The following AKR1C3 variants were observed in gnomAD, a reference collection of about 807,000 sequenced individuals.
The protein encoded by AKR1C3 is aldo-keto reductase family 1 member C3.
AKR1C3 carries 48 observed loss-of-function variants against 43.6 expected under a neutral mutation model. The ratio of observed to expected loss-of-function variants is 1.10; its 90% confidence interval spans 0.87 to 1.40. AKR1C3 has a LOEUF of 1.40. Ranked by LOEUF, AKR1C3 falls within the 40% of genes most tolerant of loss-of-function variation. The pLI, the probability that AKR1C3 is intolerant of heterozygous loss-of-function variation, is 0.00. For synonymous variants in AKR1C3, 162 were observed against 139.6 expected, an observed-to-expected ratio of 1.16 and a Z score of -1.13; for missense variants, 482 against 391.2, an observed-to-expected ratio of 1.23 and a Z score of -1.96.
At chr10:5,104,117 T>TTCATG (rs1288453445) in intron 7 of AKR1C3, among the ~76,000 whole-genome samples, 2 of 152,188 alleles carry the variant, frequency 1.3e-5, no homozygotes, top group Non-Finnish European at 2.9e-5. Context: ...GTTGCTACTT[T>TTCATG]TCATGTAGTT....
chr10:5,063,477 G>T (rs1321032548), intron 1 of AKR1C3, among the ~76,000 whole-genome samples: 2 of 152,036 alleles, frequency 1.3e-5, no homozygotes, highest in African/African-American at 4.8e-5. Flanking sequence ...AGGACAAAAA[G>T]CTATAGAGAG....
intron 4 of AKR1C3, 104 bp from the exon 5 acceptor site, chr10:5,099,223 C>G (rs1345131741): frequency 6.4e-7 from 1 of 1,553,552 alleles, no homozygotes; most frequent in Non-Finnish European, 8.7e-7. Context: ...TAGCTATTTT[C>G]ATTGTCATAC....
At chr10:5,075,597 A>G (rs1028197218) in intron 1 of AKR1C3, among the ~76,000 whole-genome samples, 8 of 152,274 alleles carry the variant, frequency 5.3e-5, no homozygotes, top group African/African-American at 1.9e-4. Flanking sequence ...AGGAATGGCC[A>G]GGCATTGTGG....
At chr10:5,092,382 C>T (rs1839112621), upstream of AKR1C3, among the ~76,000 whole-genome samples, 1 of 151,970 alleles carries the variant, frequency 6.6e-6, no homozygotes, top group African/African-American at 2.4e-5. Flanking sequence ...TCTCCACCCC[C>T]ATAGGCTCCT....
intron 1 of AKR1C3, among the ~76,000 whole-genome samples, chr10:5,061,085 C>A (rs1554780190): frequency 6.6e-6 from 1 of 152,196 alleles, no homozygotes. Flanking sequence ...CAGAAAGGGG[C>A]TCCCACAGTG....
chr10:5,053,931 G>T (rs1440063144), intron 1 of AKR1C3, among the ~76,000 whole-genome samples: 7 of 152,204 alleles, frequency 4.6e-5, no homozygotes, highest in Admixed American at 1.3e-4. Context: ...TGACAAGAAG[G>T]TTAAAAATAC....
At chr10:5,103,365 T>C (rs1839407479) in intron 7 of AKR1C3, among the ~76,000 whole-genome samples, 1 of 149,738 alleles carries the variant, frequency 6.7e-6, no homozygotes. Flanking sequence ...TAGTTGCTTG[T>C]CTTTTTTTTA....
upstream of AKR1C3, chr10:5,093,987 A>T (rs1839151276): frequency 6.6e-6 from 1 of 152,096 alleles, no homozygotes; most frequent in South Asian, 2.1e-4. Context: ...CATTCCTTTA[A>T]ATTATGTGTA....
At chr10:5,106,682 C>T (rs1232766720) in intron 8 of AKR1C3, among the ~76,000 whole-genome samples, 4 of 150,442 alleles carry the variant, frequency 2.7e-5, no homozygotes, top group Non-Finnish European at 1.5e-5. Context: ...ACCCAGGAGG[C>T]AAAGGATGCA....
At chr10:5,099,219 T>C (rs1454751361) in intron 4 of AKR1C3, 108 bp from the exon 5 acceptor site, 3 of 1,550,730 alleles carry the variant, frequency 1.9e-6, no homozygotes, top group Non-Finnish European at 2.6e-6. Context: ...CTGCTAGCTA[T>C]TTTCATTGTC....
At chr10:5,066,685 TAA>T (rs1392657662) in intron 1 of AKR1C3, among the ~76,000 whole-genome samples, 6 of 152,190 alleles carry the variant, frequency 3.9e-5, no homozygotes, top group African/African-American at 1.2e-4. Flanking sequence ...ATGAGCTAGA[TAA>T]AGAGTCTACT....
chr10:5,072,583 G>A (rs2131805689), intron 1 of AKR1C3, among the ~76,000 whole-genome samples: 1 of 152,246 alleles, frequency 6.6e-6, no homozygotes, highest in East Asian at 1.9e-4. Context: ...CAACTCTTTG[G>A]AAATGAAAAT....
rs550558138 is a variant in AKR1C3, at chr10:5,059,570, G to A, written c.84+10675G>A. Among the ~76,000 whole-genome samples, 825 of 152,254 alleles carry A rather than the reference G, an allele frequency of 5.4e-3. 9 individuals are homozygous for A. Among genetic ancestry groups the A allele is most frequent in the African/African-American group, 0.018 (756 of 41,532 alleles). ...CCAATGGTCCCAACTCCGAAGAGTCGGGGGTTGTTAGCCCTTTCCCAGAAA... is the reference window on the plus strand; with the variant it reads ...CCAATGGTCCCAACTCCGAAGAGTCAGGGGTTGTTAGCCCTTTCCCAGAAA... On this transcript the variant is annotated intron_variant, in intron 1 of 8. Transcript: ENST00000439082.
chr10:5,099,273 C>A, intron 4 of AKR1C3, 54 bp from the exon 5 acceptor site: 2 of 1,611,706 alleles, frequency 1.2e-6, no homozygotes, highest in Non-Finnish European at 1.7e-6. Context: ...CTTGCATTTA[C>A]CGTGATTTGC....
chr10:5,051,395 C>A (rs782411278), intron 1 of AKR1C3, among the ~76,000 whole-genome samples: 1 of 152,198 alleles, frequency 6.6e-6, no homozygotes, highest in Non-Finnish European at 1.5e-5. Context: ...CTATGCCCAG[C>A]TGACTTTGTG....
intron 1 of AKR1C3, among the ~76,000 whole-genome samples, chr10:5,065,524 C>A (rs1282258397): frequency 6.6e-6 from 1 of 151,872 alleles, no homozygotes; most frequent in African/African-American, 2.4e-5. Context: ...AAGAATTGGA[C>A]AAAATGCAGA....
intron 1 of AKR1C3, among the ~76,000 whole-genome samples, chr10:5,074,369 A>T (rs922185154): frequency 9.2e-5 from 14 of 152,336 alleles, no homozygotes; most frequent in Middle Eastern, 3.4e-3. Context: ...GACAAATTTC[A>T]AGATGGCTAT....
At chr10:5,061,494 A>C (rs1373903150) in intron 1 of AKR1C3, among the ~76,000 whole-genome samples, 2 of 152,182 alleles carry the variant, frequency 1.3e-5, no homozygotes, top group African/African-American at 2.4e-5. Flanking sequence ...AGCCAGAAGA[A>C]ATGATTACAG....
upstream of AKR1C3, chr10:5,094,084 A>G (rs782330698): frequency 5.9e-6 from 1 of 168,932 alleles, no homozygotes; most frequent in Admixed American, 6.1e-5. Context: ...GAAAAAAGAT[A>G]TTTGTAGCTG....
Sources: allele counts gnomAD v4.1 joint callset (sites outside exome capture counted in the v4.1 genomes callset), GRCh38; gene constraint gnomAD v4.1.1; transcripts MANE v1.5; gene names NCBI Gene and HGNC (gene_info 2026-07-23, HGNC 2026-07-21).